Variants in DSCAML1 observed in about 807,000 individuals in gnomAD.
The protein encoded by DSCAML1 is DS cell adhesion molecule like 1.
In DSCAML1, 38 loss-of-function variants were observed where a neutral mutation model predicts 200.5. That is an observed-to-expected ratio of 0.19 (90% CI 0.15 to 0.25). DSCAML1 has a LOEUF of 0.25. Among genes scored for constraint, DSCAML1 ranks in the 10% least tolerant of loss-of-function variants. The probability of loss-of-function intolerance (pLI) is 1.00; values close to 1 mark genes in which losing one functional copy is unlikely to be tolerated. For synonymous variants in DSCAML1, 1,215 were observed against 1,165.0 expected, an observed-to-expected ratio of 1.04 and a Z score of -0.87; for missense variants, 2,223 against 2,858.8, an observed-to-expected ratio of 0.78 and a Z score of 5.07.
chr11:117,636,227 A>C (rs539870590), intron 3 of DSCAML1, among the ~76,000 whole-genome samples: 1 of 152,322 alleles, frequency 6.6e-6, no homozygotes, highest in South Asian at 2.1e-4. Flanking sequence ...CATTGCATCG[A>C]ATTACATCCA....
intron 1 of DSCAML1, among the ~76,000 whole-genome samples, chr11:117,815,127 G>A (rs547944897): frequency 1.1e-4 from 16 of 152,296 alleles, no homozygotes; most frequent in South Asian, 2.1e-4. Context: ...GTTCACTGCC[G>A]GGAGGAAGCC....
chr11:117,758,963 A>G (rs1397558429), intron 3 of DSCAML1, among the ~76,000 whole-genome samples: 1 of 152,144 alleles, frequency 6.6e-6, no homozygotes, highest in Non-Finnish European at 1.5e-5. Flanking sequence ...TTACATGCCT[A>G]CCCATGATAA....
At chr11:117,612,510 AG>A (rs2051717536) in intron 3 of DSCAML1, among the ~76,000 whole-genome samples, 1 of 152,134 alleles carries the variant, frequency 6.6e-6, no homozygotes, top group Non-Finnish European at 1.5e-5. Context: ...ATACAAAGGT[AG>A]TTTTGCTTGA....
Position 117,431,520 on chromosome 11 carries a change from G to A in DSCAML1, c.5374+14C>T. ...GGGGAGGTGTTCAGGATGCCAGCAG[G>A]GCCTTAGGCACACCTGTGTCCTGGG... On this transcript the variant is annotated intron_variant, in intron 31 of 32. Coordinates refer to ENST00000651296, the MANE Select transcript of DSCAML1 (RefSeq NM_020693.4). The A allele has an allele frequency of 2.0e-6, 3 of 1,529,696 alleles. No homozygotes were observed. Among genetic ancestry groups the A allele is most frequent in the South Asian group, 1.3e-5 (1 of 77,882 alleles). 94.8% of individuals were successfully genotyped at this position (1,529,696 alleles called of 1,614,324 possible). A position where few individuals can be genotyped will look rare whatever the true frequency, so the allele number is the denominator to read the frequency against.
chr11:117,619,430 GA>G (rs1290572712), intron 3 of DSCAML1, among the ~76,000 whole-genome samples: 1 of 152,244 alleles, frequency 6.6e-6, no homozygotes, highest in African/African-American at 2.4e-5. Flanking sequence ...AGGTGCTGGT[GA>G]ATAAGACCCT....
chr11:117,605,342 G>A (rs1016057694), intron 3 of DSCAML1, among the ~76,000 whole-genome samples: 1 of 152,134 alleles, frequency 6.6e-6, no homozygotes, highest in African/African-American at 2.4e-5. Context: ...CCTGAGCTTG[G>A]CTCCAGCCTC....
Position 117,450,678 on chromosome 11 carries a change from G to A in DSCAML1, c.3579C>T (p.Pro1193=). The change falls in exon 20 of 33, where the codon CCC becomes CCT. Residue 1193 remains proline (P), a synonymous_variant. Coordinates refer to ENST00000651296, the MANE Select transcript of DSCAML1 (RefSeq NM_020693.4). ...YIQTKEDVPG[P]PAGIKAVPSS... ...AAGGGACAGCTTTGATGCCAGCAGG[G>A]GGACCTGGAACTGAGCAGGGAGAAG... 15 of 1,614,012 alleles carry A rather than the reference G, an allele frequency of 9.3e-6. No homozygotes were observed. Among genetic ancestry groups the A allele is most frequent in the Non-Finnish European group, 1.3e-5 (15 of 1,179,974 alleles).
chr11:117,763,992 T>G (rs940300224), intron 3 of DSCAML1, among the ~76,000 whole-genome samples: 4 of 152,206 alleles, frequency 2.6e-5, no homozygotes, highest in Non-Finnish European at 5.9e-5. Flanking sequence ...AGAACTTGAT[T>G]CCTTTCCTGC....
intron 3 of DSCAML1, among the ~76,000 whole-genome samples, chr11:117,597,648 G>A (rs945466219): frequency 1.3e-5 from 2 of 152,078 alleles, no homozygotes; most frequent in African/African-American, 4.8e-5. Flanking sequence ...TAGAGATGGG[G>A]TTTCATCATG....
At chr11:117,765,022 T>C (rs1376783839) in intron 3 of DSCAML1, among the ~76,000 whole-genome samples, 1 of 152,228 alleles carries the variant, frequency 6.6e-6, no homozygotes, top group Non-Finnish European at 1.5e-5. Flanking sequence ...CAGCGGTCTC[T>C]TCAGGATTCT....
chr11:117,434,001 A>G (rs934770136), intron 27 of DSCAML1, among the ~76,000 whole-genome samples: 4 of 152,220 alleles, frequency 2.6e-5, no homozygotes, highest in African/African-American at 9.6e-5. Flanking sequence ...TTTGTCTCAG[A>G]GGAGCCTTGA....
intron 3 of DSCAML1, among the ~76,000 whole-genome samples, chr11:117,600,043 C>T (rs1198654094): frequency 6.6e-6 from 1 of 152,220 alleles, no homozygotes; most frequent in Admixed American, 6.5e-5. Context: ...TGTGCAAACA[C>T]TGGGGATAAC....
intron 3 of DSCAML1, among the ~76,000 whole-genome samples, chr11:117,694,938 T>C (rs916832651): frequency 4.6e-5 from 7 of 152,236 alleles, no homozygotes; most frequent in Non-Finnish European, 1.0e-4. Flanking sequence ...CAGGCTGTGC[T>C]GGCTTTGGAT....
chr11:117,551,709 AGGG>A (rs1247403529), intron 3 of DSCAML1, among the ~76,000 whole-genome samples: 1 of 152,048 alleles, frequency 6.6e-6, no homozygotes, highest in East Asian at 1.9e-4. Flanking sequence ...GGGGGTCTGG[AGGG>A]GACAGCAGCT....
intron 3 of DSCAML1, among the ~76,000 whole-genome samples, chr11:117,714,604 G>A (rs1163422344): frequency 6.6e-6 from 1 of 152,056 alleles, no homozygotes. Flanking sequence ...TACACCTGAG[G>A]TCAGGAGGTC....
rs540650612 is a variant in DSCAML1 at position 117,620,230 on chromosome 11, C to T, written c.512-87708G>A. Among the ~76,000 whole-genome samples the T allele has an allele frequency of 5.9e-5, 9 of 152,228 alleles. No individual in the cohort carries two copies. In the South Asian group the frequency reaches 6.2e-4, roughly 11 times the overall value. On this transcript the variant is annotated intron_variant, in intron 3 of 32. Transcript: ENST00000651296. ...AAGTAGATGAGGAAGCAGCTCCAGC[C>T]GGCCATGATCCAGCTTCCCCATACA...
At chr11:117,467,277 T>C (rs925448824) in intron 16 of DSCAML1, among the ~76,000 whole-genome samples, 28 of 141,836 alleles carry the variant, frequency 2.0e-4, no homozygotes, top group African/African-American at 6.9e-4. Flanking sequence ...GCAAACATCT[T>C]AATCCACACC....
chr11:117,753,929 TC>T (rs2137874521), intron 3 of DSCAML1, among the ~76,000 whole-genome samples: 1 of 152,278 alleles, frequency 6.6e-6, no homozygotes, highest in South Asian at 2.1e-4. Flanking sequence ...TAGGATTCAT[TC>T]CTGGGGACAA....
intron 32 of DSCAML1, among the ~76,000 whole-genome samples, chr11:117,430,411 A>G (rs772866111): frequency 8.5e-5 from 13 of 152,238 alleles, no homozygotes; most frequent in Non-Finnish European, 1.5e-4. Context: ...CTGGGGATGT[A>G]TATCATTTCT....
Sources: allele counts gnomAD v4.1 joint callset (sites outside exome capture counted in the v4.1 genomes callset), GRCh38; gene constraint gnomAD v4.1.1; transcripts MANE v1.5; gene names NCBI Gene and HGNC (gene_info 2026-07-23, HGNC 2026-07-21).